Variants in VPS13B observed in about 807,000 individuals in gnomAD.
VPS13B encodes vacuolar protein sorting 13 homolog B.
A neutral mutation model predicts 426.4 loss-of-function variants in VPS13B; 285 were observed. That is an observed-to-expected ratio of 0.67 (90% CI 0.61 to 0.74). The LOEUF is 0.74. VPS13B is among the 30% of genes least tolerant of loss of function. The pLI is 0.00. For missense variants in VPS13B, 4,537 were observed against 4,782.6 expected (o/e 0.95, Z 1.51); for synonymous variants, 1,676 against 1,676.4 (o/e 1.00, Z 0.01).
rs1185677293 is a variant in VPS13B, at chr8:99,832,664, T to A, written c.9614+12T>A. On this transcript the variant is annotated intron_variant, in intron 52 of 61. Coordinates refer to ENST00000357162, the MANE Select transcript of VPS13B (RefSeq NM_152564.5). ...GGATTCTGTACCAGGTATTTTATGTTTATATAAATGTCTGTTCTTCTTTGC... is the reference window on the plus strand; with the variant it reads ...GGATTCTGTACCAGGTATTTTATGTATATATAAATGTCTGTTCTTCTTTGC... The A allele has an allele frequency of 1.2e-6, 2 of 1,612,666 alleles. No homozygotes were observed. The highest frequency in any genetic ancestry group is 1.7e-6 in the Non-Finnish European group (2 of 1,179,650).
At chr8:99,847,547 C>T (rs1183719988) in intron 54 of VPS13B, among the ~76,000 whole-genome samples, 1 of 152,026 alleles carries the variant, frequency 6.6e-6, no homozygotes, top group Non-Finnish European at 1.5e-5. Context: ...GAGTGGCAGG[C>T]AAGGGCCTCA....
chr8:99,303,606 G>C (rs1234134723), intron 19 of VPS13B, among the ~76,000 whole-genome samples: 1 of 151,320 alleles, frequency 6.6e-6, no homozygotes, highest in East Asian at 1.9e-4. Flanking sequence ...TTCTTCGCCT[G>C]TAGTCTCAGC....
chr8:99,822,374 G>T (rs1161077188), intron 50 of VPS13B, among the ~76,000 whole-genome samples: 3 of 152,136 alleles, frequency 2.0e-5, no homozygotes, highest in African/African-American at 7.2e-5. Context: ...AGCATTCAAG[G>T]CTGGTATCCA....
At chr8:99,820,526 C>G (rs755513116) in intron 49 of VPS13B, among the ~76,000 whole-genome samples, 2 of 152,110 alleles carry the variant, frequency 1.3e-5, no homozygotes, top group Non-Finnish European at 2.9e-5. Flanking sequence ...GATTTCAGAG[C>G]AACTGTTTTT....
At chr8:99,026,809 T>C (rs1457527473) in intron 2 of VPS13B, among the ~76,000 whole-genome samples, 1 of 152,188 alleles carries the variant, frequency 6.6e-6, no homozygotes, top group Admixed American at 6.5e-5. Context: ...TCATTTTAAG[T>C]TTATGTGTAT....
intron 4 of VPS13B, among the ~76,000 whole-genome samples, chr8:99,101,013 T>TAG (rs1846707492): frequency 6.6e-6 from 1 of 151,654 alleles, no homozygotes; most frequent in African/African-American, 2.4e-5. Flanking sequence ...CATTGCACTC[T>TAG]AGCCTGGACG....
At chr8:99,740,755 A>C (rs200150434) in intron 39 of VPS13B, among the ~76,000 whole-genome samples, 1 of 152,152 alleles carries the variant, frequency 6.6e-6, no homozygotes, top group Admixed American at 6.6e-5. Flanking sequence ...ATAGAATACT[A>C]TACAGACAAG....
chr8:99,829,765 T>G (rs188944024), intron 51 of VPS13B, among the ~76,000 whole-genome samples: 5 of 152,320 alleles, frequency 3.3e-5, no homozygotes, highest in Admixed American at 3.3e-4. Flanking sequence ...GCTGGTGACC[T>G]TCAGATGGAG....
intron 30 of VPS13B, among the ~76,000 whole-genome samples, chr8:99,528,298 T>G (rs1822756423): frequency 6.6e-6 from 1 of 152,114 alleles, no homozygotes; most frequent in African/African-American, 2.4e-5. Context: ...AATAGGGATC[T>G]TTGAGACATT....
chr8:99,393,121 A>G (rs1588325362), intron 21 of VPS13B, among the ~76,000 whole-genome samples: 1 of 152,198 alleles, frequency 6.6e-6, no homozygotes. Flanking sequence ...TAAACCATAT[A>G]TTTAAAATAA....
At chr8:99,180,086 C>A (rs1466351210) in intron 16 of VPS13B, among the ~76,000 whole-genome samples, 2 of 151,812 alleles carry the variant, frequency 1.3e-5, no homozygotes, top group East Asian at 3.9e-4. Context: ...CCTTTTTTTC[C>A]TGAGCAGTTA....
intron 57 of VPS13B, among the ~76,000 whole-genome samples, chr8:99,860,290 G>A (rs1816770518): frequency 6.6e-6 from 1 of 152,146 alleles, no homozygotes; most frequent in African/African-American, 2.4e-5. Context: ...GGGAGGGCTG[G>A]CAAGAGAACA....
intron 33 of VPS13B, among the ~76,000 whole-genome samples, chr8:99,584,647 G>C (rs920277908): frequency 6.6e-6 from 1 of 152,172 alleles, no homozygotes; most frequent in Non-Finnish European, 1.5e-5. Context: ...TATATGAAAA[G>C]TGTTAAATAT....
chr8:99,573,360 A>C (rs968011674), intron 31 of VPS13B, among the ~76,000 whole-genome samples: 1 of 152,232 alleles, frequency 6.6e-6, no homozygotes, highest in Non-Finnish European at 1.5e-5. Flanking sequence ...TGTTTTAGAC[A>C]TGAAGTCCTT....
At chr8:99,188,053 AT>A (rs60360700) in intron 16 of VPS13B, among the ~76,000 whole-genome samples, 13,752 of 112,508 alleles carry the variant, frequency 0.12, 828 homozygotes, top group African/African-American at 0.22. Flanking sequence ...TTGTTTGGAC[AT>A]TTTTTTTTTT....
chr8:99,225,753 CTT>C (rs1815980783), intron 17 of VPS13B, among the ~76,000 whole-genome samples: 1 of 152,146 alleles, frequency 6.6e-6, no homozygotes, highest in Admixed American at 6.5e-5. Flanking sequence ...CAAGTTCTCT[CTT>C]GTTGTTTTGC....
chr8:99,717,499 T>G, intron 37 of VPS13B, 126 bp downstream of exon 37: 1 of 889,696 alleles, frequency 1.1e-6, no homozygotes, highest in Non-Finnish European at 1.8e-6. Context: ...TTGCTACTTG[T>G]TAAATTTTCA....
intron 19 of VPS13B, among the ~76,000 whole-genome samples, chr8:99,358,547 A>G (rs1384852004): frequency 3.3e-5 from 5 of 152,218 alleles, no homozygotes; most frequent in Admixed American, 3.3e-4. Flanking sequence ...TATTTATTCG[A>G]AAAGATTATA....
chr8:99,583,802 A>T (rs1826185211), intron 33 of VPS13B, among the ~76,000 whole-genome samples: 1 of 152,132 alleles, frequency 6.6e-6, no homozygotes, highest in Non-Finnish European at 1.5e-5. Flanking sequence ...GCATGTGGGT[A>T]AAGGGGGGTT....
Sources: gnomAD v4.1 joint callset for allele counts (sites outside exome capture counted in the v4.1 genomes callset) on GRCh38, gnomAD v4.1.1 for gene constraint, MANE v1.5 for transcripts, NCBI Gene and HGNC (gene_info 2026-07-23, HGNC 2026-07-21) for gene names.